Variants in CHN2 observed in about 807,000 individuals in gnomAD.
CHN2 encodes the protein chimerin 2, also known as beta-chimaerin.
CHN2 carries 35 observed loss-of-function variants against 56.3 expected under a neutral mutation model. The ratio of observed to expected loss-of-function variants is 0.62; its 90% CI spans 0.47 to 0.82. The LOEUF is 0.82. Among genes scored for constraint, CHN2 ranks in the 40% least tolerant of loss-of-function variants. The pLI, the probability that CHN2 is intolerant of heterozygous loss-of-function variation, is 0.00. For missense variants in CHN2, 491 were observed against 580.5 expected (o/e 0.85, Z 1.58); for synonymous variants, 210 against 212.8 (o/e 0.99, Z 0.12).
intron 1 of CHN2, among the ~76,000 whole-genome samples, chr7:29,337,729 T>C (rs1796731747): frequency 6.6e-6 from 1 of 152,236 alleles, no homozygotes; most frequent in Admixed American, 6.5e-5. Context: ...AGTTAGCATC[T>C]TGCAGGTTGT....
chr7:29,267,389 C>T (rs1040915227), intron 1 of CHN2, among the ~76,000 whole-genome samples: 2 of 151,928 alleles, frequency 1.3e-5, no homozygotes, highest in African/African-American at 2.4e-5. Flanking sequence ...ATTACAGTTG[C>T]CTGCCACCAC....
At chr7:29,320,322 A>G (rs988493357) in intron 1 of CHN2, among the ~76,000 whole-genome samples, 2 of 152,100 alleles carry the variant, frequency 1.3e-5, no homozygotes, top group African/African-American at 4.8e-5. Flanking sequence ...TCTCTGTCTC[A>G]AGGGAAGATA....
chr7:29,448,894 A>G (rs849921), intron 6 of CHN2, among the ~76,000 whole-genome samples: 53,995 of 152,058 alleles, frequency 0.36, 10,991 homozygotes, highest in African/African-American at 0.56. Flanking sequence ...ACTCCTTGAG[A>G]ACAGAAACCA....
chr7:29,198,764 T>C (rs186012915), intron 1 of CHN2, among the ~76,000 whole-genome samples: 83 of 152,290 alleles, frequency 5.5e-4, no homozygotes, highest in African/African-American at 1.5e-3. Context: ...ATAAGAACTT[T>C]TTGCATATTA....
intron 2 of CHN2, among the ~76,000 whole-genome samples, chr7:29,167,937 C>T (rs988523152): frequency 6.6e-6 from 1 of 152,178 alleles, no homozygotes; most frequent in Non-Finnish European, 1.5e-5. Flanking sequence ...AGGCCTACAA[C>T]ATCGGAGGTA....
intron 3 of CHN2, among the ~76,000 whole-genome samples, chr7:29,381,549 C>T (rs747266201): frequency 2.0e-5 from 3 of 151,958 alleles, no homozygotes; most frequent in Non-Finnish European, 4.4e-5. Flanking sequence ...TTCCTGGAAG[C>T]CCACTGTGAG....
chr7:29,258,005 A>G (rs1789217881), intron 1 of CHN2, among the ~76,000 whole-genome samples: 2 of 152,006 alleles, frequency 1.3e-5, no homozygotes, highest in South Asian at 4.2e-4. Flanking sequence ...GTTAGTCTCA[A>G]ACACCTGGGG....
chr7:29,300,218 A>G (rs1228792744), intron 1 of CHN2, among the ~76,000 whole-genome samples: 2 of 152,216 alleles, frequency 1.3e-5, no homozygotes, highest in African/African-American at 4.8e-5. Flanking sequence ...AGCAGAAGCA[A>G]TGGTAAGCAG....
chr7:29,388,427 G>T (rs763666913), intron 3 of CHN2, among the ~76,000 whole-genome samples: 1 of 152,192 alleles, frequency 6.6e-6, no homozygotes, highest in Non-Finnish European at 1.5e-5. Flanking sequence ...CCCGGTGATA[G>T]CTCATAGCAA....
intron 1 of CHN2, among the ~76,000 whole-genome samples, chr7:29,227,013 C>A (rs978519670): frequency 6.6e-6 from 1 of 152,148 alleles, no homozygotes; most frequent in Admixed American, 6.5e-5. Flanking sequence ...ATAAATGGTC[C>A]CTGACCTCAA....
At chr7:29,223,159 C>G (rs1389450605) in intron 1 of CHN2, among the ~76,000 whole-genome samples, 2 of 152,096 alleles carry the variant, frequency 1.3e-5, no homozygotes, top group African/African-American at 4.8e-5. Flanking sequence ...TGATATATCA[C>G]CACCCACCCA....
chr7:29,250,276 A>G (rs2128818077), intron 1 of CHN2, among the ~76,000 whole-genome samples: 1 of 152,378 alleles, frequency 6.6e-6, no homozygotes. Flanking sequence ...AAATGAAATT[A>G]TATAGCCATT....
chr7:29,474,885 T>C (rs758367609), intron 6 of CHN2, among the ~76,000 whole-genome samples: 1 of 152,152 alleles, frequency 6.6e-6, no homozygotes, highest in Non-Finnish European at 1.5e-5. Flanking sequence ...AGCTGAGAGG[T>C]GGTCCTGACT....
intron 6 of CHN2, among the ~76,000 whole-genome samples, chr7:29,468,860 G>T (rs1785791630): frequency 6.6e-6 from 1 of 152,026 alleles, no homozygotes; most frequent in Admixed American, 6.6e-5. Flanking sequence ...TTAATGATTG[G>T]AGTGTCCCAG....
intron 1 of CHN2, among the ~76,000 whole-genome samples, chr7:29,263,756 G>A (rs890261975): frequency 1.1e-4 from 16 of 150,450 alleles, no homozygotes; most frequent in South Asian, 8.5e-4. Flanking sequence ...CTGCCCCGCC[G>A]CCCCATCTGA....
chr7:29,197,922 A>C, intron 1 of CHN2: 1 of 456,292 alleles, frequency 2.2e-6, no homozygotes, highest in South Asian at 1.5e-5. Flanking sequence ...TTTTCCGGAA[A>C]ACAAATGGAG....
intron 1 of CHN2, among the ~76,000 whole-genome samples, chr7:29,251,337 C>T (rs1305457539): frequency 6.6e-6 from 1 of 151,910 alleles, no homozygotes; most frequent in Non-Finnish European, 1.5e-5. Flanking sequence ...GCCTGTTGTC[C>T]CACCTACTTA....
At chr7:29,405,836 C>T (rs1585285507) in intron 6 of CHN2, among the ~76,000 whole-genome samples, 1 of 152,164 alleles carries the variant, frequency 6.6e-6, no homozygotes, top group East Asian at 1.9e-4. Context: ...GTGGTCCTTT[C>T]ATTGGTTGTT....
At chr7:29,377,961 C>A (rs113296440) in intron 3 of CHN2, among the ~76,000 whole-genome samples, 3 of 152,344 alleles carry the variant, frequency 2.0e-5, no homozygotes, top group African/African-American at 7.2e-5. Flanking sequence ...CAGCACCTTG[C>A]GTCCTTCTAG....
Sources: gnomAD v4.1 joint callset for allele counts (sites outside exome capture counted in the v4.1 genomes callset) on GRCh38, gnomAD v4.1.1 for gene constraint, MANE v1.5 for transcripts, NCBI Gene and HGNC (gene_info 2026-07-23, HGNC 2026-07-21) for gene names.